LRRTM4: variants seen among roughly 807,000 people sequenced by gnomAD.
LRRTM4 encodes the protein leucine rich repeat transmembrane neuronal 4.
LRRTM4 carries 25 observed loss-of-function variants against 47.6 expected under a neutral mutation model. That is an observed-to-expected ratio of 0.53 (90% CI 0.38 to 0.73). LRRTM4 has a LOEUF of 0.73. Among genes scored for constraint, LRRTM4 ranks in the 30% least tolerant of loss-of-function variants. The pLI, the probability that LRRTM4 is intolerant of heterozygous loss-of-function variation, is 0.00. For synonymous variants in LRRTM4, 311 were observed against 269.5 expected, an observed-to-expected ratio of 1.15 and a Z score of -1.51; for missense variants, 638 against 713.4, an observed-to-expected ratio of 0.89 and a Z score of 1.20.
chr2:77,499,891 C>G (rs1003326537), intron 3 of LRRTM4, among the ~76,000 whole-genome samples: 4 of 151,836 alleles, frequency 2.6e-5, no homozygotes, highest in African/African-American at 9.6e-5. Context: ...GAGCACTTTC[C>G]TAAAAATTTG....
chr2:77,519,566 A>T lies in LRRTM4; in HGVS notation c.303T>A (p.Asp101Glu). The change falls in exon 3 of 4, where the codon GAT (aspartate) becomes GAA (glutamate). Residue 101 changes from aspartate (D) to glutamate (E), a missense_variant. Asp to Glu is a conservative substitution (Grantham distance 45). Transcript: ENST00000409884. The surrounding 1 kb of genome is among the most constrained non-coding windows in gnomAD (Gnocchi z 4.6). The stretch of plus-strand genomic sequence containing the variant: ...TACGGATCCCTTGAAATGCATCTTC[A>T]TCCACTGAGCTAATGTAATTATGGT... ...YLDHNYISSV[D>E]EDAFQGIRRL... 1 of 1,613,522 alleles carries T rather than the reference A, an allele frequency of 6.2e-7. No homozygotes were observed. The highest frequency in any genetic ancestry group is 8.5e-7 in the Non-Finnish European group (1 of 1,179,668).
intron 3 of LRRTM4, among the ~76,000 whole-genome samples, chr2:77,148,342 T>TA (rs1368393212): frequency 6.6e-6 from 1 of 152,120 alleles, no homozygotes; most frequent in Non-Finnish European, 1.5e-5. Flanking sequence ...TGAGAACTGG[T>TA]ATGAGAACTC....
At chr2:76,822,577 A>C (rs1228418706) in intron 3 of LRRTM4, among the ~76,000 whole-genome samples, 1 of 151,586 alleles carries the variant, frequency 6.6e-6, no homozygotes, top group Non-Finnish European at 1.5e-5. Flanking sequence ...AAGTGAGCTA[A>C]ACCAACATGT....
At chr2:77,000,188 A>G (rs1677364656) in intron 3 of LRRTM4, among the ~76,000 whole-genome samples, 1 of 152,068 alleles carries the variant, frequency 6.6e-6, no homozygotes, top group East Asian at 1.9e-4. Context: ...CTGAATCAAA[A>G]CTGTGAATGA....
chr2:77,090,034 T>G (rs1291045404), intron 3 of LRRTM4, among the ~76,000 whole-genome samples: 10 of 152,244 alleles, frequency 6.6e-5, no homozygotes, highest in Admixed American at 5.9e-4. Context: ...CAGACCCACC[T>G]GACCTCTCCC....
At chr2:76,992,831 A>AG (rs2103997045) in intron 3 of LRRTM4, among the ~76,000 whole-genome samples, 1 of 112,640 alleles carries the variant, frequency 8.9e-6, no homozygotes, top group East Asian at 3.1e-4. Flanking sequence ...TCCTGAGGAA[A>AG]AAAAAAAAAG....
chr2:77,130,090 G>T (rs1217127201), intron 3 of LRRTM4, among the ~76,000 whole-genome samples: 5 of 152,154 alleles, frequency 3.3e-5, no homozygotes, highest in African/African-American at 1.2e-4. Flanking sequence ...GAACAAAGAT[G>T]TTTGAAGTGT....
intron 3 of LRRTM4, among the ~76,000 whole-genome samples, chr2:77,085,186 C>A (rs749436457): frequency 2.0e-5 from 3 of 151,750 alleles, no homozygotes; most frequent in Non-Finnish European, 4.4e-5. Context: ...TACTATTGGT[C>A]TTTAATACAT....
At chr2:77,081,099 T>C (rs1033250491) in intron 3 of LRRTM4, among the ~76,000 whole-genome samples, 4 of 152,162 alleles carry the variant, frequency 2.6e-5, no homozygotes, top group African/African-American at 4.8e-5. Flanking sequence ...TCAGTTCTCA[T>C]TGCCTTTGGT....
intron 3 of LRRTM4, among the ~76,000 whole-genome samples, chr2:77,450,136 A>G (rs2103949373): frequency 6.6e-6 from 1 of 152,282 alleles, no homozygotes; most frequent in East Asian, 1.9e-4. Context: ...GCATTATTTA[A>G]AACACTTTTA....
chr2:76,815,064 G>C (rs1269888718), intron 3 of LRRTM4, among the ~76,000 whole-genome samples: 1 of 151,968 alleles, frequency 6.6e-6, no homozygotes, highest in African/African-American at 2.4e-5. Context: ...CACTGTGCTT[G>C]TTCTAAAAAT....
At chr2:76,957,940 G>T (rs899460730) in intron 3 of LRRTM4, among the ~76,000 whole-genome samples, 1 of 151,390 alleles carries the variant, frequency 6.6e-6, no homozygotes, top group Non-Finnish European at 1.5e-5. Context: ...ATGTGTGTGT[G>T]TATATATATT....
intron 3 of LRRTM4, among the ~76,000 whole-genome samples, chr2:76,751,016 T>C (rs1287803796): frequency 6.6e-6 from 1 of 152,214 alleles, no homozygotes; most frequent in Non-Finnish European, 1.5e-5. Flanking sequence ...AGATAAGTTG[T>C]TCATAAGAGT....
rs148179372 is a variant in LRRTM4 at position 76,862,580 on chromosome 2, G to A, written c.1552-113664C>T. Among the ~76,000 whole-genome samples the A allele has an allele frequency of 3.8e-3, 578 of 152,240 alleles. 1 individual carries two copies. The highest frequency in any genetic ancestry group is 0.013 in the African/African-American group (553 of 41,530). ...TAGTAGCAGCAAGACCTTCCTGACC[G>A]AAAGAAAAAGAAGGTTGCGCTTTGA... is the stretch of plus-strand genomic sequence containing the variant. On this transcript the variant is annotated intron_variant, in intron 3 of 3. Transcript: ENST00000409884.
At chr2:77,089,804 G>T (rs934596457) in intron 3 of LRRTM4, among the ~76,000 whole-genome samples, 1 of 152,058 alleles carries the variant, frequency 6.6e-6, no homozygotes, top group Non-Finnish European at 1.5e-5. Flanking sequence ...CCAGAAAATG[G>T]CACTTTGAAT....
chr2:76,890,091 C>A (rs1673203695), intron 3 of LRRTM4, among the ~76,000 whole-genome samples: 1 of 151,732 alleles, frequency 6.6e-6, no homozygotes, highest in South Asian at 2.1e-4. Context: ...AACTGTAGCA[C>A]ACACACTATC....
At chr2:77,050,918 AC>A (rs368530916) in intron 3 of LRRTM4, among the ~76,000 whole-genome samples, 58 of 152,206 alleles carry the variant, frequency 3.8e-4, no homozygotes, top group African/African-American at 1.3e-3. Flanking sequence ...TCAGTCATAT[AC>A]TCTCTAAGTA....
chr2:77,522,153 C>A lies in LRRTM4; in HGVS notation c.-192G>T, dbSNP rs1558784240. On this transcript the variant is annotated 5_prime_UTR_variant, in exon 1 of 4. Coordinates refer to ENST00000409884, the MANE Select transcript of LRRTM4 (RefSeq NM_001134745.3). Reference sequence around the variant, plus strand: ...TGGCTTTTGCCATTCCCAGATAAAGCAATTCATCCTCTGGATTTTCAGTTC... The same window carrying A: ...TGGCTTTTGCCATTCCCAGATAAAGAAATTCATCCTCTGGATTTTCAGTTC... The A allele has an allele frequency of 2.8e-6, 2 of 715,418 alleles. No individual in the cohort carries two copies. Among genetic ancestry groups the A allele is most frequent in the Admixed American group, 2.0e-5 (1 of 49,846 alleles). The allele number at this position is 715,418 out of a possible 1,614,324, so 44.3% of individuals were successfully genotyped here.
chr2:77,420,317 G>A lies in LRRTM4; in HGVS notation c.1551+98001C>T, dbSNP rs377757846. Reference sequence around the variant, plus strand: ...ACAGAAGTCATGCTCTTTTGGTAATGTAACCTAGGAAGTGACATTCTATCA... The same window carrying A: ...ACAGAAGTCATGCTCTTTTGGTAATATAACCTAGGAAGTGACATTCTATCA... On this transcript the variant is annotated intron_variant, in intron 3 of 3. Transcript: ENST00000409884. 3.5e-4 allele frequency among the ~76,000 whole-genome samples: 54 copies of A among 152,284 alleles called. No homozygotes were observed. The East Asian group carries it at 5.4e-3, about 15-fold the overall frequency.
Sources: allele counts gnomAD v4.1 joint callset (sites outside exome capture counted in the v4.1 genomes callset), GRCh38; gene constraint gnomAD v4.1.1; non-coding constraint Gnocchi (gnomAD v3.1); transcripts MANE v1.5; gene names NCBI Gene and HGNC (gene_info 2026-07-23, HGNC 2026-07-21).